Variants in RAB3GAP2 observed in about 807,000 individuals in gnomAD.
RAB3GAP2 encodes RAB3 GTPase activating non-catalytic protein subunit 2, also known as rab3 GTPase-activating protein non-catalytic subunit.
A neutral mutation model predicts 185.3 loss-of-function variants in RAB3GAP2; 87 were observed. The observed-to-expected ratio is 0.47, with a 90% CI of 0.39 to 0.56. The LOEUF (loss-of-function observed/expected upper bound fraction) is 0.56. Ranked by LOEUF, RAB3GAP2 falls within the 20% of genes least tolerant of loss-of-function variation. The pLI, the probability that RAB3GAP2 is intolerant of heterozygous loss-of-function variation, is 0.00. For missense variants in RAB3GAP2, 1,492 were observed against 1,638.2 expected (o/e 0.91, Z 1.54); for synonymous variants, 554 against 576.1 (o/e 0.96, Z 0.55).
chr1:220,209,650 CA>C lies in RAB3GAP2; in HGVS notation c.612+737del, dbSNP rs1659042074. ...TCCTACGAGATAGTTAAGATTCTTT[CA>C]CAGCTCCAGTCCATCTCCCATGCAA... On this transcript the variant is annotated intron_variant, in intron 7 of 34. Transcript: ENST00000358951. 1.3e-5 allele frequency among the ~76,000 whole-genome samples: 2 copies of C among 152,088 alleles called. 1 individual carries two copies. The highest frequency in any genetic ancestry group is 4.1e-4 in the South Asian group (2 of 4,824).
chr1:220,233,527 T>A (rs1659538050), intron 1 of RAB3GAP2, among the ~76,000 whole-genome samples: 1 of 152,182 alleles, frequency 6.6e-6, no homozygotes, highest in Non-Finnish European at 1.5e-5. Context: ...ATCTTTTAAT[T>A]TATCAGAAGA....
chr1:220,203,603 T>G (rs1658903555), intron 8 of RAB3GAP2, among the ~76,000 whole-genome samples: 1 of 152,116 alleles, frequency 6.6e-6, no homozygotes, highest in African/African-American at 2.4e-5. Flanking sequence ...TGGTGAAAAA[T>G]TAAATTGCTG....
chr1:220,178,619 C>T (rs1658339455), intron 21 of RAB3GAP2, among the ~76,000 whole-genome samples: 1 of 151,856 alleles, frequency 6.6e-6, no homozygotes, highest in African/African-American at 2.4e-5. Context: ...TTGTAAGCCT[C>T]ATGGTAATCA....
At chr1:220,188,946 T>C (rs975195335) in intron 17 of RAB3GAP2, among the ~76,000 whole-genome samples, 2 of 152,140 alleles carry the variant, frequency 1.3e-5, no homozygotes, top group African/African-American at 4.8e-5. Context: ...ACATAGGGCA[T>C]GACTGCATTT....
intron 1 of RAB3GAP2, among the ~76,000 whole-genome samples, chr1:220,269,929 A>T (rs1660304732): frequency 6.6e-6 from 1 of 152,148 alleles, no homozygotes; most frequent in African/African-American, 2.4e-5. Flanking sequence ...TTTTTTCTAC[A>T]TTCCCTATCT....
chr1:220,196,047 TC>T, intron 10 of RAB3GAP2: 1 of 603,416 alleles, frequency 1.7e-6, no homozygotes. Flanking sequence ...ACAAAGAATT[TC>T]CTTTTATACT....
At chr1:220,204,245 A>AT (rs1469880908) in intron 8 of RAB3GAP2, among the ~76,000 whole-genome samples, 1 of 152,072 alleles carries the variant, frequency 6.6e-6, no homozygotes, top group Non-Finnish European at 1.5e-5. Context: ...TGTCTTGGCT[A>AT]TGTGGTTCTT....
At chr1:220,243,401 G>A (rs1314908090) in intron 1 of RAB3GAP2, among the ~76,000 whole-genome samples, 1 of 150,926 alleles carries the variant, frequency 6.6e-6, no homozygotes, top group Admixed American at 6.6e-5. Context: ...TTTACTACAC[G>A]CAAAGCATTG....
intron 29 of RAB3GAP2, 76 bp from the exon 30 acceptor site, chr1:220,157,952 G>T: frequency 3.6e-6 from 4 of 1,106,402 alleles, no homozygotes; most frequent in Non-Finnish European, 5.5e-6. Flanking sequence ...CAAGAACCAG[G>T]ATACAATACA....
chr1:220,247,698 A>G (rs77716703), intron 1 of RAB3GAP2, among the ~76,000 whole-genome samples: 5,212 of 152,254 alleles, frequency 0.034, 216 homozygotes, highest in East Asian at 0.21. Context: ...ATTCACCACT[A>G]AAGAACTCAT....
intron 3 of RAB3GAP2, 107 bp downstream of exon 3, chr1:220,213,749 A>T: frequency 8.4e-6 from 7 of 836,398 alleles, no homozygotes; most frequent in South Asian, 1.5e-5. Context: ...GGGGGGAGAG[A>T]GAGAGAAATA....
intron 1 of RAB3GAP2, among the ~76,000 whole-genome samples, chr1:220,252,188 A>C (rs1277641826): frequency 6.6e-6 from 1 of 151,318 alleles, no homozygotes; most frequent in African/African-American, 2.4e-5. Context: ...TGAAGAAAAA[A>C]AACAAGCTAG....
chr1:220,249,654 T>C (rs1354364649), intron 1 of RAB3GAP2, among the ~76,000 whole-genome samples: 1 of 152,154 alleles, frequency 6.6e-6, no homozygotes, highest in Non-Finnish European at 1.5e-5. Flanking sequence ...GAGATCTTCA[T>C]GGCAGCCTCT....
At chr1:220,189,961 A>C (rs542555663) in intron 16 of RAB3GAP2, 103 bp downstream of exon 16, 3 of 1,111,576 alleles carry the variant, frequency 2.7e-6, no homozygotes, top group Non-Finnish European at 4.1e-6. Context: ...CAATTCCAAT[A>C]AGCTCATCCA....
At chr1:220,236,848 T>G (rs1248370828) in intron 1 of RAB3GAP2, among the ~76,000 whole-genome samples, 2 of 152,304 alleles carry the variant, frequency 1.3e-5, no homozygotes, top group East Asian at 3.9e-4. Context: ...TGGTCAAGAA[T>G]GTAGGTAGCC....
chr1:220,157,391 A>G lies in RAB3GAP2; in HGVS notation c.3434T>C (p.Leu1145Pro), dbSNP rs767569257. 1 of 1,613,928 alleles carries G rather than the reference A, an allele frequency of 6.2e-7. No homozygotes were observed. The highest frequency in any genetic ancestry group is 1.3e-5 in the African/African-American group (1 of 74,946). The part of the protein sequence containing the change: ...EGPISIVELA[L>P]EQKHIHYPLV... ...TGGGTAGTGGATGTGCTTCTGTTCA[A>G]GGGCCAGTTCCACTATGGAGATTGG... Residue 1145 changes from leucine to proline, a missense_variant, in exon 31 of 35, where the codon CTT (leucine) becomes CCT (proline). By Grantham distance (98) the Leu-to-Pro change is moderately conservative. This residue lies in a region of RAB3GAP2 where 387 missense variants were observed against 455.3 expected (regional missense o/e 0.85). Transcript: ENST00000358951.
Position 220,193,399 on chromosome 1 carries a change from A to G in RAB3GAP2, c.1131-20T>C, listed in dbSNP as rs1658662555. ...CCAAATCTGATATTTAAAAGAAAAT[A>G]AAATGCTCAAATCACATTCCAGTTC... On this transcript the variant is annotated intron_variant, in intron 12 of 34. Coordinates refer to ENST00000358951, the MANE Select transcript of RAB3GAP2 (RefSeq NM_012414.4). 7 of 1,610,050 alleles carry G rather than the reference A, an allele frequency of 4.3e-6. No individual in the cohort carries two copies. The South Asian group carries it at 5.5e-5, about 13-fold the overall frequency.
At chr1:220,164,584 T>G (rs1027996985) in intron 27 of RAB3GAP2, 149 bp downstream of exon 27, 1 of 1,115,646 alleles carries the variant, frequency 9.0e-7, no homozygotes, top group Non-Finnish European at 1.2e-6. Context: ...AAGAGACCCT[T>G]GCACCTCAGC....
rs1658612396 is a variant in RAB3GAP2 at position 220,191,203 on chromosome 1, G to A, written c.1352C>T (p.Pro451Leu). 3 of 1,613,744 alleles carry A rather than the reference G, an allele frequency of 1.9e-6. No homozygotes were observed. The highest frequency in any genetic ancestry group is 2.5e-6 in the Non-Finnish European group (3 of 1,179,948). Residue 451 changes from proline (P) to leucine (L), a missense_variant, in exon 14 of 35, where the codon CCC becomes CTC. Transcript: ENST00000358951. ...ERVPEKADFSPFGNSQGPSRV... is the reference protein window; with the variant it reads ...ERVPEKADFSLFGNSQGPSRV... The stretch of plus-strand genomic sequence containing the variant: ...ACTTGGACCCTGAGAATTTCCAAAG[G>A]GGGAAAAATCTGCCTTTTCTGGCAC...
Sources: allele counts gnomAD v4.1 joint callset (sites outside exome capture counted in the v4.1 genomes callset), GRCh38; gene constraint gnomAD v4.1.1; regional missense constraint gnomAD v4.1.1; transcripts MANE v1.5; gene names NCBI Gene and HGNC (gene_info 2026-07-23, HGNC 2026-07-21).